Variants in FANCM observed in about 807,000 individuals in gnomAD.
FANCM encodes FA complementation group M.
Under a neutral mutation model 199.5 loss-of-function variants are expected in FANCM, and 140 were observed. The ratio of observed to expected loss-of-function variants is 0.70; its 90% CI spans 0.61 to 0.81. The LOEUF is 0.81. Among genes scored for constraint, FANCM ranks in the 30% least tolerant of loss-of-function variants. The probability of loss-of-function intolerance (pLI) is 0.00; values close to 1 mark genes in which losing one functional copy is unlikely to be tolerated. For missense variants in FANCM, 2,410 were observed against 2,421.4 expected (o/e 1.00, Z 0.10); for synonymous variants, 840 against 836.8 (o/e 1.00, Z -0.07).
At chr14:45,158,115 C>T (rs557267559) in intron 8 of FANCM, among the ~76,000 whole-genome samples, 2 of 152,110 alleles carry the variant, frequency 1.3e-5, no homozygotes, top group Non-Finnish European at 2.9e-5. Flanking sequence ...GGAGGATCAC[C>T]TGAGCCCAAG....
chr14:45,170,823 A>G, intron 12 of FANCM, 77 bp downstream of exon 12: 1 of 1,183,708 alleles, frequency 8.4e-7, no homozygotes, highest in Non-Finnish European at 1.3e-6. Context: ...GTTCTTTATA[A>G]TGATCAAGCA....
intron 12 of FANCM, among the ~76,000 whole-genome samples, chr14:45,171,090 A>G (rs77901612): frequency 0.037 from 5,628 of 151,778 alleles, 244 homozygotes; most frequent in African/African-American, 0.1. Flanking sequence ...GTGATATACC[A>G]TAGTTTGCTT....
At chr14:45,145,278 G>T (rs2139136468) in intron 3 of FANCM, among the ~76,000 whole-genome samples, 1 of 151,826 alleles carries the variant, frequency 6.6e-6, no homozygotes, top group East Asian at 2.0e-4. Context: ...TATGTGAGCT[G>T]CCCAGACTGG....
chr14:45,169,471 G>A (rs1888204463), intron 11 of FANCM, among the ~76,000 whole-genome samples: 1 of 150,486 alleles, frequency 6.6e-6, no homozygotes, highest in Admixed American at 6.6e-5. Context: ...CATGATCCTA[G>A]CTCATCATGA....
chr14:45,188,851 A>G lies in FANCM; in HGVS notation c.4829A>G (p.Glu1610Gly), dbSNP rs749072940. Residue 1610 changes from glutamate (E) to glycine (G), a missense_variant, in exon 20 of 23, where the codon GAA (glutamate) becomes GGA (glycine). Glu to Gly is a moderately conservative substitution (Grantham distance 98, BLOSUM62 -2). Transcript: ENST00000267430. ...TTAGAGGATAGTTTTTGTGTTGATGAAGAGGAGTCTTGCAAAGGCCAATCA... is the reference window on the plus strand; with the variant it reads ...TTAGAGGATAGTTTTTGTGTTGATGGAGAGGAGTCTTGCAAAGGCCAATCA... Reference protein sequence around the residue: ...TYLEDSFCVDEEESCKGQSSE... With the variant: ...TYLEDSFCVDGEESCKGQSSE... 6.2e-7 allele frequency: 1 copy of G among 1,613,614 alleles called. No homozygotes were observed. The highest frequency in any genetic ancestry group is 8.5e-7 in the Non-Finnish European group (1 of 1,179,882).
At chr14:45,147,104 A>G (rs1464836559) in intron 3 of FANCM, among the ~76,000 whole-genome samples, 1 of 152,172 alleles carries the variant, frequency 6.6e-6, no homozygotes, top group Admixed American at 6.5e-5. Flanking sequence ...TGAATGAACT[A>G]TTAAAAGCAA....
At chr14:45,186,047 C>T (rs1173804843) in intron 18 of FANCM, among the ~76,000 whole-genome samples, 2 of 152,120 alleles carry the variant, frequency 1.3e-5, no homozygotes, top group Admixed American at 1.3e-4. Context: ...CATGTGCCAC[C>T]ATGACCAGTT....
Position 45,189,285 on chromosome 14 carries a change from G to T in FANCM, c.5263G>T (p.Glu1755Ter). The T allele has an allele frequency of 6.2e-7, 1 of 1,613,978 alleles. No homozygotes were observed. Among genetic ancestry groups the T allele is most frequent in the Non-Finnish European group, 8.5e-7 (1 of 1,179,866 alleles). ...VSDFKPQNHN[E>*]VQSTTPPFTT... ...AGACTTCAAACCTCAGAATCATAATGAAGTCCAGTCTACCACACCACCCTT... is the reference window on the plus strand; with the variant it reads ...AGACTTCAAACCTCAGAATCATAATTAAGTCCAGTCTACCACACCACCCTT... Residue 1755 changes from glutamate to a stop codon, truncating the protein, a stop_gained, in exon 20 of 23, where the codon GAA becomes TAA. Coordinates refer to ENST00000267430, the MANE Select transcript of FANCM (RefSeq NM_020937.4). LOFTEE classifies it high-confidence loss of function.
intron 18 of FANCM, 52 bp from the exon 19 acceptor site, chr14:45,187,729 G>T: frequency 2.4e-6 from 2 of 839,306 alleles, no homozygotes; most frequent in Non-Finnish European, 2.0e-6. Flanking sequence ...TACTTTACTG[G>T]TTTTCATTTA....
intron 8 of FANCM, among the ~76,000 whole-genome samples, chr14:45,156,541 G>A (rs1048538008): frequency 1.3e-5 from 2 of 152,226 alleles, no homozygotes; most frequent in Admixed American, 6.5e-5. Context: ...TGGTCAAGGT[G>A]CTGGGAGATA....
Position 45,176,607 on chromosome 14 carries a change from C to T in FANCM, c.3853C>T (p.His1285Tyr). ...VSNQALIPRDHSKNFTSGTVI... is the reference protein window; with the variant it reads ...VSNQALIPRDYSKNFTSGTVI... ...GAATCAAGCACTAATACCAAGAGAT[C>T]ATAGTAAAAATTTTACTAGTGGAAC... Residue 1285 changes from histidine to tyrosine, a missense_variant, in exon 14 of 23, where the codon CAT becomes TAT. His to Tyr is a moderately conservative substitution (Grantham distance 83). Coordinates refer to ENST00000267430, the MANE Select transcript of FANCM (RefSeq NM_020937.4). 3.1e-6 allele frequency: 5 copies of T among 1,609,790 alleles called. No individual in the cohort carries two copies. Among genetic ancestry groups the T allele is most frequent in the Non-Finnish European group, 4.2e-6 (5 of 1,178,246 alleles).
intron 4 of FANCM, among the ~76,000 whole-genome samples, chr14:45,150,312 T>C (rs976728465): frequency 2.0e-5 from 3 of 152,176 alleles, no homozygotes; most frequent in Non-Finnish European, 4.4e-5. Context: ...TAATTGAAAA[T>C]CATTCCATTT....
At chr14:45,137,524 C>T (rs1447349524) in intron 2 of FANCM, 2 of 414,394 alleles carry the variant, frequency 4.8e-6, no homozygotes, top group African/African-American at 4.1e-5. Context: ...AGAGCCTAGT[C>T]ATGGTTGGGA....
intron 7 of FANCM, among the ~76,000 whole-genome samples, 177 bp downstream of exon 7, chr14:45,154,999 A>C (rs143896019): frequency 3.9e-5 from 6 of 152,194 alleles, no homozygotes; most frequent in Non-Finnish European, 7.3e-5. Context: ...TTTAAAGTTT[A>C]TATGCTTTAA....
chr14:45,187,233 G>A (rs371820274), intron 18 of FANCM, among the ~76,000 whole-genome samples: 31 of 148,370 alleles, frequency 2.1e-4, no homozygotes, highest in African/African-American at 6.7e-4. Flanking sequence ...AAAGTACCTC[G>A]AAATTCACAT....
At position 45,176,918 on chromosome 14, in the gene FANCM, A is replaced by G. The variant is rs773014465; in HGVS notation, c.4164A>G (p.Leu1388=). Residue 1388 remains leucine, a synonymous_variant, in exon 14 of 23, where the codon CTA becomes CTG. Coordinates refer to ENST00000267430, the MANE Select transcript of FANCM (RefSeq NM_020937.4). ...CTTTTGATTATTCAGAATTTTCTCT[A>G]GAAAAGTCTAAAAGCAGTGGTCCAA... ...NSTFDYSEFS[L]EKSKSSGPMY... The G allele has an allele frequency of 2.5e-6, 4 of 1,611,754 alleles. No individual in the cohort carries two copies. The South Asian group carries it at 4.4e-5, about 18-fold the overall frequency.
At chr14:45,196,108 T>G in intron 20 of FANCM, 64 bp from the exon 21 acceptor site, 122 of 1,548,692 alleles carry the variant, frequency 7.9e-5, no homozygotes, top group Middle Eastern at 3.4e-4. Context: ...ACTTCGGGTG[T>G]GAGACGTTTA....
At chr14:45,152,995 A>G (rs1327091993) in intron 5 of FANCM, among the ~76,000 whole-genome samples, 1 of 152,196 alleles carries the variant, frequency 6.6e-6, no homozygotes, top group African/African-American at 2.4e-5. Context: ...TAATTAGGGT[A>G]CCATTTTAGG....
At chr14:45,173,339 A>G in intron 13 of FANCM, 129 bp downstream of exon 13, 1 of 809,616 alleles carries the variant, frequency 1.2e-6, no homozygotes, top group Non-Finnish European at 2.1e-6. Flanking sequence ...GATCTCAGTA[A>G]AGAATGAGTT....
Sources: gnomAD v4.1 joint callset for allele counts (sites outside exome capture counted in the v4.1 genomes callset) on GRCh38, gnomAD v4.1.1 for gene constraint, MANE v1.5 for transcripts, NCBI Gene and HGNC (gene_info 2026-07-23, HGNC 2026-07-21) for gene names.